DIAPH2: variants seen among roughly 807,000 people sequenced by gnomAD.
DIAPH2 encodes diaphanous related formin 2, also known as protein diaphanous homolog 2.
A neutral mutation model predicts 92.7 loss-of-function variants in DIAPH2; 35 were observed. The ratio of observed to expected loss-of-function variants is 0.38; its 90% CI spans 0.29 to 0.50. The LOEUF (loss-of-function observed/expected upper bound fraction) is 0.50. Ranked by LOEUF, DIAPH2 falls within the 20% of genes least tolerant of loss-of-function variation. The pLI is 0.94. For missense variants in DIAPH2, 701 were observed against 819.5 expected (o/e 0.86, Z 1.77); for synonymous variants, 301 against 280.4 (o/e 1.07, Z -0.73).
At position 97,215,738 on chromosome X, in the gene DIAPH2, A is replaced by G. The variant is rs2067878096; in HGVS notation, c.2720-31977A>G. On this transcript the variant is annotated intron_variant, in intron 22 of 26. Transcript: ENST00000324765. ...CTACCCTCTGCTGCCTAAGTTAATTACATTCCAGTAGTGGGAAAAAAATGC... is the reference window on the plus strand; with the variant it reads ...CTACCCTCTGCTGCCTAAGTTAATTGCATTCCAGTAGTGGGAAAAAAATGC... 2.7e-5 allele frequency among the ~76,000 whole-genome samples: 3 copies of G among 111,900 alleles called. No homozygotes were observed. The South Asian group carries it at 1.1e-3, about 42-fold the overall frequency.
intron 26 of DIAPH2, among the ~76,000 whole-genome samples, chrX:97,493,775 A>G (rs992792749): frequency 1.6e-4 from 17 of 109,205 alleles, no homozygotes; most frequent in Non-Finnish European, 3.2e-4. Flanking sequence ...AATCCCAGCT[A>G]CTGGGGAGGC....
At chrX:96,872,096 A>G (rs1309612946) in intron 4 of DIAPH2, among the ~76,000 whole-genome samples, 1 of 111,860 alleles carries the variant, frequency 8.9e-6, no homozygotes, top group Non-Finnish European at 1.9e-5. Flanking sequence ...ATACAGGCAT[A>G]CAATGCATAA....
intron 17 of DIAPH2, among the ~76,000 whole-genome samples, chrX:96,985,508 C>T (rs1017430338): frequency 2.7e-5 from 3 of 109,609 alleles, no homozygotes; most frequent in Non-Finnish European, 5.7e-5. Flanking sequence ...CCTATTGATA[C>T]GGCTATATAA....
intron 22 of DIAPH2, among the ~76,000 whole-genome samples, chrX:97,185,381 G>GTA (rs1238589084): frequency 3.6e-5 from 1 of 27,891 alleles, no homozygotes; most frequent in African/African-American, 2.6e-4. Flanking sequence ...ATATATATAT[G>GTA]TATATATATA....
At chrX:97,110,005 A>G (rs1379493604) in intron 20 of DIAPH2, among the ~76,000 whole-genome samples, 4 of 111,875 alleles carry the variant, frequency 3.6e-5, no homozygotes, top group Non-Finnish European at 7.5e-5. Context: ...CAACAAAGTT[A>G]ATTCCCTAAC....
At chrX:97,350,576 T>A (rs764601944) in intron 24 of DIAPH2, among the ~76,000 whole-genome samples, 2 of 111,964 alleles carry the variant, frequency 1.8e-5, no homozygotes, top group East Asian at 5.6e-4. Context: ...TTTTTAAAAA[T>A]GTAAGAATAT....
At chrX:96,698,711 T>A (rs1440286233) in intron 1 of DIAPH2, among the ~76,000 whole-genome samples, 1 of 99,902 alleles carries the variant, frequency 1.0e-5, no homozygotes, top group Non-Finnish European at 2.1e-5. Flanking sequence ...TTTCTTATAA[T>A]TACTAATCTT....
chrX:97,084,595 T>C (rs1461715506), intron 19 of DIAPH2, among the ~76,000 whole-genome samples: 1 of 111,617 alleles, frequency 9.0e-6, no homozygotes, highest in Admixed American at 9.5e-5. Flanking sequence ...GTACTATTTT[T>C]GAGGGGACTA....
chrX:97,056,610 T>C (rs2066558513), intron 17 of DIAPH2, among the ~76,000 whole-genome samples: 1 of 111,883 alleles, frequency 8.9e-6, no homozygotes, highest in South Asian at 3.7e-4. Context: ...CAAATTTTTC[T>C]TTCATCGTTT....
chrX:96,905,328 A>C (rs2065425684), intron 5 of DIAPH2, among the ~76,000 whole-genome samples: 1 of 111,886 alleles, frequency 8.9e-6, no homozygotes, highest in African/African-American at 3.2e-5. Flanking sequence ...TTTAAGTGAA[A>C]TGTAACTAAA....
At chrX:96,858,956 G>A (rs967059473) in intron 4 of DIAPH2, among the ~76,000 whole-genome samples, 2 of 111,910 alleles carry the variant, frequency 1.8e-5, no homozygotes, top group African/African-American at 6.5e-5. Flanking sequence ...GACAATCCCT[G>A]TATTAGAAAT....
intron 21 of DIAPH2, among the ~76,000 whole-genome samples, chrX:97,118,811 A>G (rs2067033888): frequency 8.9e-6 from 1 of 112,214 alleles, no homozygotes; most frequent in Non-Finnish European, 1.9e-5. Flanking sequence ...TAACTTTACA[A>G]AAGGGGAGAA....
chrX:97,350,209 C>T (rs1026106369), intron 24 of DIAPH2, among the ~76,000 whole-genome samples: 35 of 110,289 alleles, frequency 3.2e-4, no homozygotes, highest in Non-Finnish European at 5.3e-4. Flanking sequence ...ACTTGGGAGG[C>T]TGAGGCAGGA....
At chrX:97,355,014 C>T (rs1033838509) in intron 24 of DIAPH2, among the ~76,000 whole-genome samples, 2 of 112,197 alleles carry the variant, frequency 1.8e-5, no homozygotes, top group Non-Finnish European at 3.8e-5. Flanking sequence ...TTCACTCTTA[C>T]GTTAATTCTC....
At chrX:97,246,329 T>C (rs763610814) in intron 22 of DIAPH2, among the ~76,000 whole-genome samples, 1 of 112,051 alleles carries the variant, frequency 8.9e-6, no homozygotes, top group East Asian at 2.8e-4. Context: ...GAATTATTTC[T>C]TCCATAGCAA....
intron 26 of DIAPH2, among the ~76,000 whole-genome samples, chrX:97,568,407 G>A (rs1470825180): frequency 2.7e-5 from 3 of 110,884 alleles, no homozygotes; most frequent in Admixed American, 9.6e-5. Context: ...AATAGAAGGA[G>A]TGTAAAATGG....
intron 4 of DIAPH2, among the ~76,000 whole-genome samples, chrX:96,878,502 C>T (rs2065193114): frequency 8.9e-6 from 1 of 111,804 alleles, no homozygotes; most frequent in Non-Finnish European, 1.9e-5. Context: ...TCTCAAAGTC[C>T]TTCTAAGCTT....
At chrX:96,938,229 C>A (rs1368241428) in intron 11 of DIAPH2, among the ~76,000 whole-genome samples, 1 of 111,327 alleles carries the variant, frequency 9.0e-6, no homozygotes, top group African/African-American at 3.3e-5. Flanking sequence ...TCCTTCAATG[C>A]ATCTATGAAA....
chrX:96,738,501 G>A, intron 2 of DIAPH2, 85 bp from the exon 3 acceptor site: 1 of 748,100 alleles, frequency 1.3e-6, no homozygotes, highest in Non-Finnish European at 1.9e-6. Context: ...ATTATACTAA[G>A]TGCCGTTTTG....
Sources: allele counts gnomAD v4.1 joint callset (sites outside exome capture counted in the v4.1 genomes callset), GRCh38; gene constraint gnomAD v4.1.1; transcripts MANE v1.5; gene names NCBI Gene and HGNC (gene_info 2026-07-23, HGNC 2026-07-21).